Variants in PRKAG2 observed in about 807,000 individuals in gnomAD.
The protein encoded by PRKAG2 is 5'-AMP-activated protein kinase subunit gamma-2.
A neutral mutation model predicts 69.6 loss-of-function variants in PRKAG2; 26 were observed. The observed-to-expected ratio is 0.37, with a 90% CI of 0.27 to 0.52. The LOEUF (loss-of-function observed/expected upper bound fraction) is 0.52. PRKAG2 is among the 20% of genes least tolerant of loss of function. The pLI, the probability that PRKAG2 is intolerant of heterozygous loss-of-function variation, is 0.90. For missense variants in PRKAG2, 557 were observed against 740.0 expected, an observed-to-expected ratio of 0.75 and a Z score of 2.87; for synonymous variants, 293 against 285.0, an observed-to-expected ratio of 1.03 and a Z score of -0.28.
chr7:151,827,638 C>T (rs1230527653), intron 1 of PRKAG2, among the ~76,000 whole-genome samples: 1 of 147,060 alleles, frequency 6.8e-6, no homozygotes, highest in East Asian at 2.0e-4. Flanking sequence ...CCAGGACGCT[C>T]ATTTTACATA....
rs532819824 is a variant in PRKAG2 at position 151,577,371 on chromosome 7, G to A, written c.865-919C>T. Among the ~76,000 whole-genome samples, 25 of 152,236 alleles carry A rather than the reference G, an allele frequency of 1.6e-4. 1 individual carries two copies. Among genetic ancestry groups the A allele is most frequent in the African/African-American group, 4.6e-4 (19 of 41,526 alleles). On this transcript the variant is annotated intron_variant, in intron 6 of 15. Coordinates refer to ENST00000287878, the MANE Select transcript of PRKAG2 (RefSeq NM_016203.4). ...AGATTTATTAATAACCAAAAGTTCA[G>A]TGCTGAAAATGATCCTCTAAATTCA...
At chr7:151,602,801 T>A (rs1563230789) in intron 5 of PRKAG2, among the ~76,000 whole-genome samples, 1 of 152,212 alleles carries the variant, frequency 6.6e-6, no homozygotes, top group Non-Finnish European at 1.5e-5. Flanking sequence ...CATGCTGTTC[T>A]TGTGATAGTG....
intron 3 of PRKAG2, among the ~76,000 whole-genome samples, chr7:151,743,652 C>T (rs935023715): frequency 2.6e-5 from 4 of 152,216 alleles, no homozygotes; most frequent in Non-Finnish European, 4.4e-5. Context: ...GTATCTCACC[C>T]GCAGAAGAAA....
Position 151,699,329 on chromosome 7 carries a change from C to A in PRKAG2, c.467-23692G>T, listed in dbSNP as rs562312337. Among the ~76,000 whole-genome samples the A allele has an allele frequency of 1.3e-5, 2 of 152,198 alleles. No individual in the cohort carries two copies. Among genetic ancestry groups the A allele is most frequent in the East Asian group, 3.8e-4 (2 of 5,196 alleles). On this transcript the variant is annotated intron_variant, in intron 3 of 15. Transcript: ENST00000287878. The surrounding 1 kb of genome is among the most constrained non-coding windows in gnomAD (Gnocchi z 4.5). ...TGCAGGCCTAGTCCCAGCAGATCTC[C>A]GGGAGATGCTGACTGCTGGCCGGAT...
At chr7:151,626,834 G>A (rs967699529) in intron 5 of PRKAG2, among the ~76,000 whole-genome samples, 1 of 148,416 alleles carries the variant, frequency 6.7e-6, no homozygotes, top group African/African-American at 2.6e-5. Flanking sequence ...CTACCCCCAC[G>A]ACATTTTAAT....
chr7:151,574,236 C>A (rs182159044), intron 8 of PRKAG2, among the ~76,000 whole-genome samples: 1 of 152,108 alleles, frequency 6.6e-6, no homozygotes. Context: ...TCCTGTCCTT[C>A]CCCCCACCCT....
rs528395876 is a variant in PRKAG2, at chr7:151,704,240, T to C, written c.467-28603A>G. On this transcript the variant is annotated intron_variant, in intron 3 of 15. Transcript: ENST00000287878. ...ACACTTTTTAAGTTATTTTAAAATA[T>C]ACAATTAAGTTATTATTCACTACAG... Among the ~76,000 whole-genome samples, 20 of 152,324 alleles carry C rather than the reference T, an allele frequency of 1.3e-4. 1 individual carries two copies. In the South Asian group the frequency reaches 2.9e-3, roughly 22 times the overall value.
chr7:151,784,556 C>T (rs1021583014), intron 2 of PRKAG2, among the ~76,000 whole-genome samples: 4 of 152,080 alleles, frequency 2.6e-5, no homozygotes, highest in Non-Finnish European at 5.9e-5. Flanking sequence ...GGGAGGTGTC[C>T]AGTGCCCAGA....
intron 4 of PRKAG2, among the ~76,000 whole-genome samples, chr7:151,662,839 CA>C (rs1339071827): frequency 6.6e-6 from 1 of 152,162 alleles, no homozygotes; most frequent in Non-Finnish European, 1.5e-5. Flanking sequence ...TTTGAGGCTG[CA>C]GTGAGCTATG....
intron 4 of PRKAG2, among the ~76,000 whole-genome samples, chr7:151,645,573 C>T (rs1827426538): frequency 6.6e-6 from 1 of 152,134 alleles, no homozygotes; most frequent in East Asian, 1.9e-4. Flanking sequence ...CTAGATAATA[C>T]AATGGGTTTT....
intron 5 of PRKAG2, among the ~76,000 whole-genome samples, chr7:151,608,090 C>A (rs964263727): frequency 2.0e-5 from 3 of 152,032 alleles, no homozygotes; most frequent in Non-Finnish European, 4.4e-5. Context: ...GAGGCTGGGG[C>A]GACGCAGCGA....
intron 4 of PRKAG2, among the ~76,000 whole-genome samples, chr7:151,644,088 C>T (rs936704887): frequency 1.3e-5 from 2 of 152,050 alleles, no homozygotes; most frequent in East Asian, 1.9e-4. Flanking sequence ...GAGGGAAGAG[C>T]GGAAGCGGGG....
intron 3 of PRKAG2, among the ~76,000 whole-genome samples, chr7:151,694,289 T>C (rs1004223558): frequency 6.6e-6 from 1 of 152,238 alleles, no homozygotes; most frequent in African/African-American, 2.4e-5. Context: ...TTTTTAAACA[T>C]TTATTTTTGA....
At chr7:151,859,923 C>T (rs2079875130) in intron 1 of PRKAG2, among the ~76,000 whole-genome samples, 1 of 152,178 alleles carries the variant, frequency 6.6e-6, no homozygotes, top group Non-Finnish European at 1.5e-5. Flanking sequence ...GAGTCCATGC[C>T]GCTGGAGGGA....
At chr7:151,669,821 T>A (rs1167063886) in intron 4 of PRKAG2, among the ~76,000 whole-genome samples, 1 of 76,496 alleles carries the variant, frequency 1.3e-5, no homozygotes, top group Non-Finnish European at 2.5e-5. Flanking sequence ...CACACACACC[T>A]GTGCACCTGC....
chr7:151,796,993 A>T (rs1357402384), intron 1 of PRKAG2, among the ~76,000 whole-genome samples: 1 of 151,998 alleles, frequency 6.6e-6, no homozygotes, highest in Non-Finnish European at 1.5e-5. Context: ...ACCAGCCAAT[A>T]CCAGCATAGA....
At chr7:151,773,027 G>GAAAGAAAGAAAGAA (rs1563639348) in intron 3 of PRKAG2, among the ~76,000 whole-genome samples, 7 of 29,030 alleles carry the variant, frequency 2.4e-4, no homozygotes, top group African/African-American at 5.7e-4. Context: ...GAAAGAAAGA[G>GAAAGAAAGAAAGAA]AGAGAGAGAG....
In PRKAG2 at chr7:151,857,279, C is replaced by A. The variant is rs150727908; in HGVS notation, c.114+19228G>T. ...AGGACCTTTCTGCTCCTGCCAGCTC[C>A]CAGCTCCCAGATCACTGAGCCCTAC... On this transcript the variant is annotated intron_variant, in intron 1 of 15. Coordinates refer to ENST00000287878, the MANE Select transcript of PRKAG2 (RefSeq NM_016203.4). Among the ~76,000 whole-genome samples, 436 of 151,980 alleles carry A rather than the reference C, an allele frequency of 2.9e-3. 4 individuals carry two copies. The highest frequency in any genetic ancestry group is 0.01 in the African/African-American group (420 of 41,452).
chr7:151,600,886 C>A (rs1279587157), intron 5 of PRKAG2, among the ~76,000 whole-genome samples: 2 of 152,248 alleles, frequency 1.3e-5, no homozygotes, highest in Non-Finnish European at 2.9e-5. Flanking sequence ...CCTCACTTAA[C>A]TGATGTGACA....
Sources: allele counts gnomAD v4.1 joint callset (sites outside exome capture counted in the v4.1 genomes callset), GRCh38; gene constraint gnomAD v4.1.1; non-coding constraint Gnocchi (gnomAD v3.1); transcripts MANE v1.5; gene names NCBI Gene and HGNC (gene_info 2026-07-23, HGNC 2026-07-21).